The following LYPD6 variants were observed in gnomAD, a reference collection of about 807,000 sequenced individuals.
LYPD6 encodes the protein ly6/PLAUR domain-containing protein 6.
In LYPD6, 15 loss-of-function variants were observed where a neutral mutation model predicts 22.7. The ratio of observed to expected loss-of-function variants is 0.66; its 90% CI spans 0.44 to 1.02. The LOEUF (loss-of-function observed/expected upper bound fraction) is 1.02. Among genes scored for constraint, LYPD6 ranks in the 50% least tolerant of loss-of-function variants. LYPD6 has a pLI of 0.00. For synonymous variants in LYPD6, 72 were observed against 77.5 expected (o/e 0.93, Z 0.37); for missense variants, 189 against 208.4 (o/e 0.91, Z 0.57).
intron 1 of LYPD6, among the ~76,000 whole-genome samples, chr2:149,356,813 C>G (rs904223891): frequency 6.6e-6 from 1 of 152,136 alleles, no homozygotes; most frequent in Non-Finnish European, 1.5e-5. Context: ...TCCAAATATT[C>G]TTGTCTACTG....
intron 3 of LYPD6, among the ~76,000 whole-genome samples, chr2:149,466,835 C>T (rs1573831777): frequency 7.1e-6 from 1 of 141,370 alleles, no homozygotes; most frequent in Middle Eastern, 3.8e-3. Flanking sequence ...GGCAGCTGCT[C>T]TTAGCTGTCT....
chr2:149,469,667 A>G (rs983887708), intron 4 of LYPD6, among the ~76,000 whole-genome samples: 1 of 152,192 alleles, frequency 6.6e-6, no homozygotes, highest in African/African-American at 2.4e-5. Context: ...CAAAATGAGT[A>G]AAACCAAAGG....
At chr2:149,478,526 T>C (rs1681478405), downstream of LYPD6, among the ~76,000 whole-genome samples, 1 of 151,996 alleles carries the variant, frequency 6.6e-6, no homozygotes, top group South Asian at 2.1e-4. Context: ...TGGGCTCAAA[T>C]GATCCACCTG....
intron 3 of LYPD6, among the ~76,000 whole-genome samples, chr2:149,457,839 A>G (rs141504484): frequency 2.0e-5 from 3 of 152,350 alleles, no homozygotes; most frequent in African/African-American, 7.2e-5. Flanking sequence ...AAAGAAAATG[A>G]CAGACTAGGG....
chr2:149,375,465 GGCATGACGAAAATAAAGCTCA>G (rs1573751899), intron 1 of LYPD6, among the ~76,000 whole-genome samples: 1 of 152,086 alleles, frequency 6.6e-6, no homozygotes, highest in East Asian at 1.9e-4. Flanking sequence ...CCTCTGTATT[GGCATGACGAAAATAAAGCTCA>G]GCAAGTTCTT....
At position 149,449,038 on chromosome 2, in the gene LYPD6, C is replaced by CT. The variant is rs749099314; in HGVS notation, c.119-3dup. 6.9e-5 allele frequency: 110 copies of CT among 1,583,722 alleles called. No homozygotes were observed. Among genetic ancestry groups the CT allele is most frequent in the East Asian group, 3.2e-4 (14 of 44,358 alleles). Reference sequence around the variant, plus strand: ...TAAAAATTAATCTTTTCTCTTAATCCTTTTTTTTAGCCACACCATATCCTG... The same window carrying CT: ...TAAAAATTAATCTTTTCTCTTAATCCTTTTTTTTTAGCCACACCATATCCTG... On this transcript the variant is annotated splice_polypyrimidine_tract_variant and intron_variant, in intron 2 of 4. Coordinates refer to ENST00000334166, the MANE Select transcript of LYPD6 (RefSeq NM_194317.5).
chr2:149,425,287 G>A (rs1683165803), intron 1 of LYPD6, among the ~76,000 whole-genome samples: 1 of 152,180 alleles, frequency 6.6e-6, no homozygotes, highest in South Asian at 2.1e-4. Context: ...CATGCTCTTA[G>A]CAGTCTTTAT....
At chr2:149,423,599 C>G (rs543222274) in intron 1 of LYPD6, among the ~76,000 whole-genome samples, 11 of 152,184 alleles carry the variant, frequency 7.2e-5, no homozygotes, top group African/African-American at 2.4e-4. Flanking sequence ...CCTTGAAGCT[C>G]TAATTGTTTA....
intron 1 of LYPD6, among the ~76,000 whole-genome samples, chr2:149,335,725 T>A (rs1251907687): frequency 6.6e-6 from 1 of 152,222 alleles, no homozygotes; most frequent in Non-Finnish European, 1.5e-5. Context: ...GTACGTGCCC[T>A]ATATAGGTGT....
chr2:149,337,795 A>G (rs1353761024), intron 1 of LYPD6, among the ~76,000 whole-genome samples: 2 of 151,894 alleles, frequency 1.3e-5, no homozygotes, highest in South Asian at 2.1e-4. Flanking sequence ...CCCACCCTTT[A>G]CCCTCAAGTA....
intron 1 of LYPD6, among the ~76,000 whole-genome samples, chr2:149,394,276 G>A (rs938714890): frequency 6.6e-6 from 1 of 152,090 alleles, no homozygotes; most frequent in Middle Eastern, 3.2e-3. Flanking sequence ...CTCCCCTCTG[G>A]GTCCCTGAGG....
intron 1 of LYPD6, among the ~76,000 whole-genome samples, chr2:149,366,844 C>T (rs1681680281): frequency 6.6e-6 from 1 of 152,088 alleles, no homozygotes; most frequent in Non-Finnish European, 1.5e-5. Flanking sequence ...TTCTCCAGGG[C>T]CCCTTTACAA....
Position 149,471,094 on chromosome 2 carries a change from T to G in LYPD6, c.*244T>G. 1 of 370,594 alleles carries G rather than the reference T, an allele frequency of 2.7e-6. No individual in the cohort carries two copies. Among genetic ancestry groups the G allele is most frequent in the Non-Finnish European group, 4.9e-6 (1 of 203,918 alleles). The allele number at this position is 370,594 out of a possible 1,614,324, so 23.0% of individuals were successfully genotyped here. ...GCCCAAGTTCCATACCATAAACGTTTGTTTTCATTCCAAGAAGTAGTTCTG... is the reference window on the plus strand; with the variant it reads ...GCCCAAGTTCCATACCATAAACGTTGGTTTTCATTCCAAGAAGTAGTTCTG... On this transcript the variant is annotated 3_prime_UTR_variant, in exon 5 of 5. Coordinates refer to ENST00000334166, the MANE Select transcript of LYPD6 (RefSeq NM_194317.5).
At position 149,472,817 on chromosome 2, in the gene LYPD6, A is replaced by G. The variant is rs928754200; in HGVS notation, c.*1967A>G. 1.3e-5 allele frequency: 2 copies of G among 152,616 alleles called. No homozygotes were observed. The highest frequency in any genetic ancestry group is 4.8e-5 in the African/African-American group (2 of 41,440). The allele number at this position is 152,616 out of a possible 1,614,324, so 9.5% of individuals were successfully genotyped here. A position where few individuals can be genotyped will look rare whatever the true frequency, so the allele number is the denominator to read the frequency against. On this transcript the variant is annotated 3_prime_UTR_variant, in exon 5 of 5. Transcript: ENST00000334166. ...TTGTGAAGCTGTTTCCTTCAGATTTAGGTTATGTGGGATGATGTGGGATTG... is the reference window on the plus strand; with the variant it reads ...TTGTGAAGCTGTTTCCTTCAGATTTGGGTTATGTGGGATGATGTGGGATTG...
chr2:149,356,183 A>G (rs1031585752), intron 1 of LYPD6, among the ~76,000 whole-genome samples: 1 of 152,012 alleles, frequency 6.6e-6, no homozygotes, highest in Admixed American at 6.6e-5. Flanking sequence ...GATGCTGCTG[A>G]AATGTACACA....
chr2:149,437,020 A>G (rs2105149322), intron 1 of LYPD6, among the ~76,000 whole-genome samples: 1 of 152,338 alleles, frequency 6.6e-6, no homozygotes, highest in South Asian at 2.1e-4. Context: ...TTTACCCAAA[A>G]TGGGTTAATA....
At position 149,466,817 on chromosome 2, in the gene LYPD6, A is replaced by C. The variant is rs192206662; in HGVS notation, c.218-1828A>C. Reference sequence around the variant, plus strand: ...GCTCGGATTTACATTTGGAGCAGTAAAACCTCTGGCAGCTGCTCTTAGCTG... The same window carrying C: ...GCTCGGATTTACATTTGGAGCAGTACAACCTCTGGCAGCTGCTCTTAGCTG... On this transcript the variant is annotated intron_variant, in intron 3 of 4. Transcript: ENST00000334166. Among the ~76,000 whole-genome samples the C allele has an allele frequency of 3.2e-4, 48 of 152,150 alleles. 1 individual carries two copies. The East Asian group carries it at 8.9e-3, about 28-fold the overall frequency.
intron 2 of LYPD6, among the ~76,000 whole-genome samples, chr2:149,441,191 A>G (rs1359557801): frequency 3.9e-5 from 6 of 152,194 alleles, no homozygotes; most frequent in East Asian, 3.9e-4. Context: ...CGTAAAAAAT[A>G]TATGAGGGAA....
intron 1 of LYPD6, among the ~76,000 whole-genome samples, chr2:149,380,034 TA>T (rs1263212135): frequency 6.6e-6 from 1 of 151,244 alleles, no homozygotes; most frequent in African/African-American, 2.5e-5. Context: ...TGACCTTGAA[TA>T]AAAACTAGAT....
Sources: gnomAD v4.1 joint callset for allele counts (sites outside exome capture counted in the v4.1 genomes callset) on GRCh38, gnomAD v4.1.1 for gene constraint, MANE v1.5 for transcripts, NCBI Gene and HGNC (gene_info 2026-07-23, HGNC 2026-07-21) for gene names.